TRMT10A: variants seen among roughly 807,000 people sequenced by gnomAD.
TRMT10A encodes tRNA methyltransferase 10A.
In TRMT10A, 37 loss-of-function variants were observed where a neutral mutation model predicts 40.4. The observed-to-expected ratio is 0.92, with a 90% CI of 0.71 to 1.21. TRMT10A has a LOEUF of 1.21. Ranked by LOEUF, TRMT10A falls within the 50% of genes most tolerant of loss-of-function variation. TRMT10A has a pLI of 0.00. For missense variants in TRMT10A, 388 were observed against 404.3 expected (o/e 0.96, Z 0.35); for synonymous variants, 103 against 134.1 (o/e 0.77, Z 1.60).
In TRMT10A at chr4:99,559,371, T is replaced by A. The variant is rs112802510; in HGVS notation, c.-23-10A>T. 6.4e-7 allele frequency: 1 copy of A among 1,553,046 alleles called. No individual in the cohort carries two copies. Among genetic ancestry groups the A allele is most frequent in the Admixed American group, 1.8e-5 (1 of 54,580 alleles). Reference sequence around the variant, plus strand: ...TGCCTCTGAAAAACAACTTTTGACATGAATAGATAATTTACAAGCACAAAA... The same window carrying A: ...TGCCTCTGAAAAACAACTTTTGACAAGAATAGATAATTTACAAGCACAAAA... On this transcript the variant is annotated splice_polypyrimidine_tract_variant and intron_variant, in intron 1 of 7. Transcript: ENST00000394876.
intron 2 of TRMT10A, 128 bp from the exon 3 acceptor site, chr4:99,558,339 T>C: frequency 1.2e-6 from 1 of 850,446 alleles, no homozygotes; most frequent in South Asian, 1.9e-5. Context: ...TCTGTGACCA[T>C]TCAAAAATGG....
At chr4:99,561,689 A>T (rs72906795) in intron 1 of TRMT10A, among the ~76,000 whole-genome samples, 3,735 of 152,296 alleles carry the variant, frequency 0.025, 150 homozygotes, top group African/African-American at 0.085. Flanking sequence ...TAGCGTGTTC[A>T]GATTACCTGT....
chr4:99,559,550 A>G (rs1724302003), intron 1 of TRMT10A, among the ~76,000 whole-genome samples, 189 bp from the exon 2 acceptor site: 1 of 152,232 alleles, frequency 6.6e-6, no homozygotes, highest in African/African-American at 2.4e-5. Context: ...AAAGGTCTAA[A>G]GAAATGGGGT....
chr4:99,553,283 G>C (rs908797807), intron 6 of TRMT10A, among the ~76,000 whole-genome samples: 1 of 152,158 alleles, frequency 6.6e-6, no homozygotes, highest in Non-Finnish European at 1.5e-5. Context: ...CTTTTAGAAA[G>C]TGCATTTCTG....
At chr4:99,561,022 T>G (rs987473974) in intron 1 of TRMT10A, among the ~76,000 whole-genome samples, 1 of 151,498 alleles carries the variant, frequency 6.6e-6, no homozygotes, top group Non-Finnish European at 1.5e-5. Flanking sequence ...GCGATCTCCG[T>G]TCACTGCAAC....
intron 1 of TRMT10A, among the ~76,000 whole-genome samples, chr4:99,562,515 CTTTTT>C (rs67816425): frequency 0.05 from 3,777 of 76,260 alleles, 137 homozygotes; most frequent in East Asian, 0.31. Flanking sequence ...AAAGGAATGC[CTTTTT>C]TTTTTTTTTT....
intron 7 of TRMT10A, 87 bp from the exon 8 acceptor site, chr4:99,549,443 TAA>T: frequency 6.7e-7 from 1 of 1,501,150 alleles, no homozygotes; most frequent in South Asian, 1.3e-5. Context: ...GCCTTTGTGT[TAA>T]GAGTGCTAGT....
chr4:99,558,901 GATC>G (rs1724270315), intron 2 of TRMT10A, among the ~76,000 whole-genome samples: 2 of 152,228 alleles, frequency 1.3e-5, no homozygotes, highest in South Asian at 2.1e-4. Flanking sequence ...TTGAGTGCAA[GATC>G]ATCAACAGTG....
At position 99,557,395 on chromosome 4, in the gene TRMT10A, G is replaced by A. The variant is rs748344182; in HGVS notation, c.370C>T (p.Gln124Ter). The A allele has an allele frequency of 1.2e-6, 2 of 1,613,264 alleles. No individual in the cohort carries two copies. The highest frequency in any genetic ancestry group is 1.3e-5 in the African/African-American group (1 of 74,866). Residue 124 changes from glutamine (Q) to a stop codon, truncating the protein, a stop_gained, in exon 4 of 8, where the codon CAG becomes TAG. Transcript: ENST00000394876. LOFTEE classifies it high-confidence loss of function. Reference sequence around the variant, plus strand: ...TTTTCTGCGTAACATCGTTGAATCTGCTTATGAAGTTTCTTAATGTCCTAT... The same window carrying A: ...TTTTCTGCGTAACATCGTTGAATCTACTTATGAAGTTTCTTAATGTCCTAT... ...VLKDIKKLHK[Q>*]IQRCYAENRR...
Position 99,563,971 on chromosome 4 carries a change from C to T in TRMT10A, c.-82G>A, listed in dbSNP as rs1009738676. The T allele has an allele frequency of 6.7e-5, 84 of 1,253,726 alleles. No individual in the cohort carries two copies. Among genetic ancestry groups the T allele is most frequent in the Admixed American group, 4.9e-4 (25 of 50,598 alleles). 77.7% of individuals were successfully genotyped at this position (1,253,726 alleles called of 1,614,324 possible). A position where few individuals can be genotyped will look rare whatever the true frequency, so the allele number is the denominator to read the frequency against. ...AGAAAGAAAGCCTTTCTGGGTTGGC[C>T]TGGTTACGGCTCACGCTTCCTTCCA... On this transcript the variant is annotated 5_prime_UTR_variant, in exon 1 of 8. Transcript: ENST00000394876.
intron 6 of TRMT10A, among the ~76,000 whole-genome samples, chr4:99,552,662 G>A (rs1164303831): frequency 1.3e-5 from 2 of 152,044 alleles, no homozygotes; most frequent in Non-Finnish European, 2.9e-5. Context: ...ACACTACTTT[G>A]CACAAATGAC....
At position 99,549,111 on chromosome 4, in the gene TRMT10A, T is replaced by C; in HGVS notation, c.997A>G (p.Thr333Ala). ...KQDKENHTES[T>A]VNSLPH The stretch of plus-strand genomic sequence containing the variant: ...CATTAGTGTGGCAGAGAGTTCACTG[T>C]AGATTCAGTGTGATTTTCCTTATCC... Residue 333 changes from threonine to alanine, a missense_variant, in exon 8 of 8, where the codon ACA becomes GCA. By Grantham distance (58) the Thr-to-Ala change is moderately conservative (BLOSUM62 0). Coordinates refer to ENST00000394876, the MANE Select transcript of TRMT10A (RefSeq NM_001134665.3). The C allele has an allele frequency of 6.2e-7, 1 of 1,614,068 alleles. No individual in the cohort carries two copies. The highest frequency in any genetic ancestry group is 8.5e-7 in the Non-Finnish European group (1 of 1,179,958).
At chr4:99,563,783 A>C in intron 1 of TRMT10A, 130 bp downstream of exon 1, 5 of 523,048 alleles carry the variant, frequency 9.6e-6, no homozygotes, top group Non-Finnish European at 1.8e-5. Flanking sequence ...GCAGGAAACC[A>C]CTTCCACACC....
Position 99,553,890 on chromosome 4 carries a change from T to C in TRMT10A, c.540A>G (p.Lys180=), listed in dbSNP as rs1283943212. Residue 180 remains lysine (K), a synonymous_variant, in exon 6 of 8, where the codon AAA becomes AAG. Transcript: ENST00000394876. ...CTGACGTAAGGTAAATCAGGTCTTC[T>C]TTCTTTATGAGTTCACTATAGTGCT... ...KPEHYSELIK[K]EDLIYLTSDS... 2 of 1,613,464 alleles carry C rather than the reference T, an allele frequency of 1.2e-6. No individual in the cohort carries two copies. Among genetic ancestry groups the C allele is most frequent in the African/African-American group, 1.3e-5 (1 of 74,908 alleles).
At chr4:99,563,605 G>A (rs949494670) in intron 1 of TRMT10A, 5 of 267,924 alleles carry the variant, frequency 1.9e-5, no homozygotes. Flanking sequence ...CACGCCGACG[G>A]AAAGCGCCCC....
chr4:99,554,008 T>G (rs1371574227), intron 5 of TRMT10A, 74 bp from the exon 6 acceptor site: 1 of 1,470,934 alleles, frequency 6.8e-7, no homozygotes, highest in Non-Finnish European at 9.2e-7. Context: ...ATTATTCTCT[T>G]TTCCCAAAAC....
chr4:99,550,601 T>C (rs1723922803), intron 7 of TRMT10A, among the ~76,000 whole-genome samples: 1 of 152,074 alleles, frequency 6.6e-6, no homozygotes, highest in Non-Finnish European at 1.5e-5. Flanking sequence ...AATTATGTAA[T>C]AAATAATAAT....
intron 6 of TRMT10A, among the ~76,000 whole-genome samples, chr4:99,552,876 T>TTATGCAAACCA: frequency 6.6e-6 from 1 of 151,940 alleles, no homozygotes; most frequent in Non-Finnish European, 1.5e-5. Context: ...AACTGATGGT[T>TTATGCAAACCA]TGCATACTTG....
At chr4:99,559,770 G>T (rs1724312387) in intron 1 of TRMT10A, among the ~76,000 whole-genome samples, 1 of 152,120 alleles carries the variant, frequency 6.6e-6, no homozygotes, top group African/African-American at 2.4e-5. Flanking sequence ...GAAACCTCCT[G>T]AATGTCAGTG....
Sources: gnomAD v4.1 joint callset for allele counts (sites outside exome capture counted in the v4.1 genomes callset) on GRCh38, gnomAD v4.1.1 for gene constraint, MANE v1.5 for transcripts, NCBI Gene and HGNC (gene_info 2026-07-23, HGNC 2026-07-21) for gene names.